CUL3: variants seen among roughly 807,000 people sequenced by gnomAD.
CUL3 encodes the protein cullin-3.
CUL3 carries 19 observed loss-of-function variants against 89.1 expected under a neutral mutation model. The observed-to-expected ratio is 0.21, with a 90% confidence interval of 0.15 to 0.31. The LOEUF (loss-of-function observed/expected upper bound fraction) is 0.31. CUL3 is among the 10% of genes least tolerant of loss of function. The pLI is 1.00. For synonymous variants in CUL3, 351 were observed against 308.4 expected (o/e 1.14, Z -1.45); for missense variants, 469 against 942.3 (o/e 0.50, Z 6.58).
chr2:224,543,572 G>T (rs1475156520), intron 2 of CUL3, among the ~76,000 whole-genome samples: 2 of 152,186 alleles, frequency 1.3e-5, no homozygotes, highest in Admixed American at 6.5e-5. Context: ...CAGATTTTCG[G>T]TTTTTTCAGA....
Position 224,500,385 on chromosome 2 carries a change from G to A in CUL3, c.1588C>T (p.His530Tyr), listed in dbSNP as rs541968614. The change falls in exon 11 of 16, where the codon CAT (histidine) becomes TAT (tyrosine). Residue 530 changes from histidine to tyrosine, a missense_variant. Physicochemically the swap from His to Tyr is moderately conservative, Grantham distance 83. Transcript: ENST00000264414. ...PKCNIPPAPR[H>Y]AFEIFRRFYL... ...TACCTTCTGAATATCTCAAAAGCAT[G>A]TCTTGGTGCTGGTGGGATGTTGCAC... The A allele has an allele frequency of 2.5e-6, 4 of 1,614,060 alleles. No homozygotes were observed. Among genetic ancestry groups the A allele is most frequent in the African/African-American group, 1.3e-5 (1 of 75,032 alleles).
At chr2:224,475,861 CATT>C (rs1691298923) in intron 15 of CUL3, among the ~76,000 whole-genome samples, 1 of 152,144 alleles carries the variant, frequency 6.6e-6, no homozygotes, top group African/African-American at 2.4e-5. Context: ...TGTACTACAT[CATT>C]ATCAACCTAC....
Position 224,585,087 on chromosome 2 carries a change from G to C in CUL3, c.-78C>G. 1 of 1,224,190 alleles carries C rather than the reference G, an allele frequency of 8.2e-7. No individual in the cohort carries two copies. Among genetic ancestry groups the C allele is most frequent in the Non-Finnish European group, 1.1e-6 (1 of 918,320 alleles). The allele number at this position is 1,224,190 out of a possible 1,614,324, so 75.8% of individuals were successfully genotyped here. A position where few individuals can be genotyped will look rare whatever the true frequency, so the allele number is the denominator to read the frequency against. On this transcript the variant is annotated 5_prime_UTR_variant, in exon 1 of 16. Transcript: ENST00000264414. ...TGTCACATTTAAGGCGGGCAGGCAG[G>C]CTAGGGGCGACGCTGGGGGCGGCGG...
intron 13 of CUL3, among the ~76,000 whole-genome samples, chr2:224,490,325 CCTCT>C (rs921784429): frequency 8.5e-5 from 13 of 152,116 alleles, no homozygotes; most frequent in African/African-American, 3.1e-4. Flanking sequence ...TCTCTAACCC[CCTCT>C]CTCTCTGCCT....
Position 224,578,161 on chromosome 2 carries a change from A to T in CUL3, c.66+6783T>A, listed in dbSNP as rs543142669. Among the ~76,000 whole-genome samples, 44 of 152,300 alleles carry T rather than the reference A, an allele frequency of 2.9e-4. 1 individual carries two copies. Among genetic ancestry groups the T allele is most frequent in the Admixed American group, 3.9e-4 (6 of 15,308 alleles). On this transcript the variant is annotated intron_variant, in intron 1 of 15. Coordinates refer to ENST00000264414, the MANE Select transcript of CUL3 (RefSeq NM_003590.5). ...CAGCCCAATAATTCCATAATCATAG[A>T]TGGACTCAAATATTTATGTGTCTAA...
intron 15 of CUL3, among the ~76,000 whole-genome samples, chr2:224,476,046 TG>T (rs1691307389): frequency 6.6e-6 from 1 of 151,710 alleles, no homozygotes; most frequent in Non-Finnish European, 1.5e-5. Flanking sequence ...TTTTTTGAGA[TG>T]GAGTCTCGCT....
chr2:224,535,057 TAAAG>T (rs1204666648), intron 3 of CUL3, among the ~76,000 whole-genome samples: 14 of 144,982 alleles, frequency 9.7e-5, no homozygotes, highest in Middle Eastern at 3.6e-3. Flanking sequence ...AATAAATAAA[TAAAG>T]ATTTTTATTC....
chr2:224,513,995 T>A (rs1574646392), intron 4 of CUL3, among the ~76,000 whole-genome samples: 1 of 152,316 alleles, frequency 6.6e-6, no homozygotes, highest in South Asian at 2.1e-4. Context: ...CTGGGCAATA[T>A]AACTTTTTGC....
intron 1 of CUL3, among the ~76,000 whole-genome samples, chr2:224,580,638 C>T (rs1400138116): frequency 6.6e-6 from 1 of 152,118 alleles, no homozygotes; most frequent in East Asian, 1.9e-4. Flanking sequence ...GAGCCAAGAT[C>T]GTGCCACTGC....
intron 3 of CUL3, among the ~76,000 whole-genome samples, chr2:224,520,189 G>GT (rs1031629241): frequency 6.2e-4 from 95 of 152,342 alleles, no homozygotes; most frequent in African/African-American, 2.0e-3. Context: ...ATAAAGGGAT[G>GT]TGAGTTTCAT....
In CUL3 at chr2:224,486,305, A is replaced by C. The variant is rs144781746; in HGVS notation, c.1843-4227T>G. ...AGTAGGCTTCAGAAGGTGGGGAACAACAAACTCCTCTGAGCTAAAGGAGCA... is the reference window on the plus strand; with the variant it reads ...AGTAGGCTTCAGAAGGTGGGGAACACCAAACTCCTCTGAGCTAAAGGAGCA... On this transcript the variant is annotated intron_variant, in intron 13 of 15. Coordinates refer to ENST00000264414, the MANE Select transcript of CUL3 (RefSeq NM_003590.5). Among the ~76,000 whole-genome samples, 3 of 152,266 alleles carry C rather than the reference A, an allele frequency of 2.0e-5. No homozygotes were observed. The East Asian group carries it at 5.8e-4, about 30-fold the overall frequency.
At chr2:224,566,852 G>T (rs1695051609) in intron 1 of CUL3, among the ~76,000 whole-genome samples, 1 of 152,136 alleles carries the variant, frequency 6.6e-6, no homozygotes, top group Non-Finnish European at 1.5e-5. Flanking sequence ...AAAGTATTTT[G>T]CAAAAAGCAC....
rs1226242073 is a variant in CUL3, at chr2:224,485,013, C to A, written c.1843-2935G>T. Among the ~76,000 whole-genome samples the A allele has an allele frequency of 6.6e-6, 1 of 152,154 alleles. No individual in the cohort carries two copies. The highest frequency in any genetic ancestry group is 1.9e-4 in the East Asian group (1 of 5,186). Reference sequence around the variant, plus strand: ...AGAAGCAGGGTGGGGCGTCACCTCACCTGGGAAGCACAAGGGGTCAGGGAA... The same window carrying A: ...AGAAGCAGGGTGGGGCGTCACCTCAACTGGGAAGCACAAGGGGTCAGGGAA... On this transcript the variant is annotated intron_variant, in intron 13 of 15. Transcript: ENST00000264414. The surrounding 1 kb of genome is among the most constrained non-coding windows in gnomAD (Gnocchi z 4.1).
intron 13 of CUL3, among the ~76,000 whole-genome samples, chr2:224,488,563 C>T (rs1329158592): frequency 6.6e-6 from 1 of 152,108 alleles, no homozygotes; most frequent in Admixed American, 6.5e-5. Flanking sequence ...AAGACTAAGC[C>T]AGGAAGAAGT....
chr2:224,505,307 T>G (rs1054110494), intron 8 of CUL3, among the ~76,000 whole-genome samples: 2 of 152,064 alleles, frequency 1.3e-5, no homozygotes, highest in East Asian at 3.9e-4. Flanking sequence ...CCAGCTAATT[T>G]TGTATTTTTA....
In CUL3 at chr2:224,502,992, T is replaced by C. The variant is rs17480078; in HGVS notation, c.1458A>G (p.Glu486=). 12 of 1,613,794 alleles carry C rather than the reference T, an allele frequency of 7.4e-6. No individual in the cohort carries two copies. Among genetic ancestry groups the C allele is most frequent in the Non-Finnish European group, 1.0e-5 (12 of 1,179,824 alleles). Residue 486 remains glutamate, a synonymous_variant, in exon 10 of 16, where the codon GAA becomes GAG. Transcript: ENST00000264414. The part of the protein sequence containing the change: ...DMSISNTTMD[E]FRQHLQATGV... ...CAGTTGCCTGTAGATGTTGCCTGAA[T>C]TCATCCATCGTTGTGTTTGAGATGC...
intron 13 of CUL3, among the ~76,000 whole-genome samples, chr2:224,491,571 T>G (rs1390624206): frequency 6.6e-6 from 1 of 152,172 alleles, no homozygotes; most frequent in Middle Eastern, 3.2e-3. Context: ...TTCTTCTTCT[T>G]AGTATATTAG....
At chr2:224,519,777 T>G (rs529615540) in intron 3 of CUL3, among the ~76,000 whole-genome samples, 34 of 152,302 alleles carry the variant, frequency 2.2e-4, no homozygotes, top group African/African-American at 8.2e-4. Context: ...AGTAAACTTG[T>G]GATATGCACA....
chr2:224,578,378 G>C (rs1306394518), intron 1 of CUL3, among the ~76,000 whole-genome samples: 1 of 152,038 alleles, frequency 6.6e-6, no homozygotes, highest in Non-Finnish European at 1.5e-5. Flanking sequence ...TAATTTTACT[G>C]TCTGTTCAGC....
Sources: allele counts gnomAD v4.1 joint callset (sites outside exome capture counted in the v4.1 genomes callset), GRCh38; gene constraint gnomAD v4.1.1; non-coding constraint Gnocchi (gnomAD v3.1); transcripts MANE v1.5; gene names NCBI Gene and HGNC (gene_info 2026-07-23, HGNC 2026-07-21).